The following SDK2 variants were observed in gnomAD, a reference collection of about 807,000 sequenced individuals.
The protein encoded by SDK2 is sidekick cell adhesion molecule 2.
Under a neutral mutation model 253.9 loss-of-function variants are expected in SDK2, and 105 were observed. The observed-to-expected ratio is 0.41, with a 90% CI of 0.35 to 0.49. SDK2 has a LOEUF of 0.49. SDK2 is among the 20% of genes least tolerant of loss of function. The pLI is 0.06. For synonymous variants in SDK2, 1,249 were observed against 1,234.9 expected, an observed-to-expected ratio of 1.01 and a Z score of -0.24; for missense variants, 2,608 against 3,003.0, an observed-to-expected ratio of 0.87 and a Z score of 3.07.
intron 30 of SDK2, among the ~76,000 whole-genome samples, chr17:73,386,983 CAG>C (rs1434441270): frequency 6.6e-6 from 1 of 152,124 alleles, no homozygotes; most frequent in Non-Finnish European, 1.5e-5. Context: ...GTTGTTGAGA[CAG>C]AGTCTCACTC....
chr17:73,490,523 GTT>G (rs1194044828), intron 2 of SDK2, among the ~76,000 whole-genome samples: 9 of 101,636 alleles, frequency 8.9e-5, no homozygotes, highest in African/African-American at 2.6e-4. Context: ...GCCAGGCAGT[GTT>G]TTTTTTTTTT....
intron 1 of SDK2, among the ~76,000 whole-genome samples, chr17:73,562,092 C>T (rs905744892): frequency 3.3e-5 from 5 of 152,144 alleles, no homozygotes; most frequent in African/African-American, 4.8e-5. Flanking sequence ...TGCCACTGCA[C>T]TCCAACCTGG....
chr17:73,466,715 GCC>G lies in SDK2; in HGVS notation c.331+5395_331+5396del, dbSNP rs869108125. Among the ~76,000 whole-genome samples the G allele has an allele frequency of 7.4e-4, 79 of 107,048 alleles. 6 individuals carry two copies. Among genetic ancestry groups the G allele is most frequent in the African/African-American group, 2.7e-3 (57 of 21,422 alleles). The allele number at this position is 107,048 out of a possible 152,430, so 70.2% of individuals were successfully genotyped here. ...GATCATTTTGGAGGCTCTGGGGAAC[GCC>G]CCCCCCCCCCGGCTTAGGCTCTGCA... On this transcript the variant is annotated intron_variant, in intron 3 of 44. Transcript: ENST00000392650.
At chr17:73,555,968 A>T (rs9915572) in intron 1 of SDK2, among the ~76,000 whole-genome samples, 41,119 of 152,058 alleles carry the variant, frequency 0.27, 5,761 homozygotes, top group East Asian at 0.5. Context: ...GCAGGGAGAC[A>T]GGCAGTGGAT....
chr17:73,509,390 C>T (rs1162701345), intron 1 of SDK2, among the ~76,000 whole-genome samples: 5 of 152,144 alleles, frequency 3.3e-5, no homozygotes, highest in African/African-American at 9.7e-5. Context: ...CTCCACCACC[C>T]TCAGTGCTGG....
At chr17:73,607,045 C>T (rs1371467601) in intron 1 of SDK2, among the ~76,000 whole-genome samples, 1 of 152,204 alleles carries the variant, frequency 6.6e-6, no homozygotes, top group Non-Finnish European at 1.5e-5. Flanking sequence ...ACAGTCCCTT[C>T]CTCCCTCATT....
intron 1 of SDK2, among the ~76,000 whole-genome samples, chr17:73,615,940 T>C (rs531846662): frequency 5.6e-4 from 85 of 152,256 alleles, no homozygotes; most frequent in African/African-American, 1.9e-3. Context: ...CAAATACACA[T>C]GCATGTGACA....
intron 22 of SDK2, 119 bp downstream of exon 22, chr17:73,399,049 T>A: frequency 1.0e-6 from 1 of 954,050 alleles, no homozygotes; most frequent in Non-Finnish European, 1.6e-6. Flanking sequence ...TGGAGTATAA[T>A]GGGCCATTGA....
At chr17:73,487,031 T>G (rs1313368666) in intron 2 of SDK2, among the ~76,000 whole-genome samples, 3 of 152,172 alleles carry the variant, frequency 2.0e-5, no homozygotes, top group Non-Finnish European at 4.4e-5. Context: ...CCTCCCAGAT[T>G]TAAGTGATTC....
rs2063658029 is a variant in SDK2, at chr17:73,472,351, T to C, written c.225-133A>G. 6.3e-6 allele frequency: 4 copies of C among 630,280 alleles called. No homozygotes were observed. In the South Asian group the frequency reaches 7.5e-5, roughly 12 times the overall value. The allele number at this position is 630,280 out of a possible 1,614,324, so 39.0% of individuals were successfully genotyped here. Reference sequence around the variant, plus strand: ...AAGAGTACCAGGGAACTCTTGACTCTCTAGCCATGTCATAGGATCACACAA... The same window carrying C: ...AAGAGTACCAGGGAACTCTTGACTCCCTAGCCATGTCATAGGATCACACAA... On this transcript the variant is annotated intron_variant, in intron 2 of 44. Coordinates refer to ENST00000392650, the MANE Select transcript of SDK2 (RefSeq NM_001144952.2).
intron 1 of SDK2, among the ~76,000 whole-genome samples, chr17:73,598,165 C>G (rs530274994): frequency 1.3e-5 from 2 of 152,176 alleles, no homozygotes; most frequent in Non-Finnish European, 2.9e-5. Flanking sequence ...AACAGCCACC[C>G]TCCCACCATT....
At chr17:73,519,866 A>AGGAG (rs1469656779) in intron 1 of SDK2, 1 of 152,194 alleles carries the variant, frequency 6.6e-6, no homozygotes, top group Non-Finnish European at 1.5e-5. Context: ...CTGAGGAAGA[A>AGGAG]CACACATTCA....
intron 8 of SDK2, among the ~76,000 whole-genome samples, chr17:73,436,348 G>T (rs567715466): frequency 2.0e-4 from 31 of 151,924 alleles, no homozygotes; most frequent in Non-Finnish European, 4.1e-4. Context: ...AGGCTGAGGC[G>T]GGTGGATCAC....
Position 73,424,659 on chromosome 17 carries a change from G to A in SDK2, c.1584-567C>T, listed in dbSNP as rs141711313. Among the ~76,000 whole-genome samples the A allele has an allele frequency of 1.3e-3, 202 of 152,320 alleles. 1 individual carries two copies. Among genetic ancestry groups the A allele is most frequent in the African/African-American group, 4.7e-3 (195 of 41,572 alleles). ...TATCTTCTCTGAATTTGTTCTTGAG[G>A]AAATAGAACCATTATCATTGTCATC... On this transcript the variant is annotated intron_variant, in intron 12 of 44. Coordinates refer to ENST00000392650, the MANE Select transcript of SDK2 (RefSeq NM_001144952.2).
intron 38 of SDK2, among the ~76,000 whole-genome samples, chr17:73,363,796 G>C (rs1461035322): frequency 2.0e-5 from 3 of 152,084 alleles, no homozygotes; most frequent in Non-Finnish European, 4.4e-5. Flanking sequence ...CCTGTGAAGA[G>C]GGCTTGTGCT....
chr17:73,570,179 C>T lies in SDK2; in HGVS notation c.65-62582G>A, dbSNP rs1018791964. 7.2e-5 allele frequency among the ~76,000 whole-genome samples: 11 copies of T among 152,078 alleles called. No individual in the cohort carries two copies. The highest frequency in any genetic ancestry group is 2.7e-4 in the African/African-American group (11 of 41,406). ...AGCTTGGTGGACACAGGGCGACCAC[C>T]CCAGGGGCCCAGCCTTGCTACCTCC... On this transcript the variant is annotated intron_variant, in intron 1 of 44. Transcript: ENST00000392650. This position sits in a 1 kb window ranked among gnomAD's most constrained non-coding sequence, Gnocchi z 4.2.
At position 73,568,748 on chromosome 17, in the gene SDK2, T is replaced by C. The variant is rs180842038; in HGVS notation, c.65-61151A>G. Among the ~76,000 whole-genome samples, 336 of 151,658 alleles carry C rather than the reference T, an allele frequency of 2.2e-3. 1 individual carries two copies. Among genetic ancestry groups the C allele is most frequent in the African/African-American group, 7.8e-3 (320 of 41,136 alleles). On this transcript the variant is annotated intron_variant, in intron 1 of 44. Coordinates refer to ENST00000392650, the MANE Select transcript of SDK2 (RefSeq NM_001144952.2). ...AATTTGGAGAAAGACAAATTGAAGA[T>C]TCAAGAGGCTCAATGAACCCCAAGC... is the stretch of plus-strand genomic sequence containing the variant.
intron 24 of SDK2, 35 bp downstream of exon 24, chr17:73,398,000 G>A (rs767168014): frequency 1.2e-6 from 2 of 1,602,800 alleles, no homozygotes; most frequent in Non-Finnish European, 1.7e-6. Context: ...GAAGCTCATG[G>A]AGAGGTCCCA....
intron 18 of SDK2, among the ~76,000 whole-genome samples, chr17:73,412,997 A>G (rs1274603643): frequency 1.3e-5 from 2 of 152,078 alleles, no homozygotes; most frequent in Non-Finnish European, 2.9e-5. Context: ...GCAAAAATAA[A>G]TTTCTGTTGT....
Sources: allele counts gnomAD v4.1 joint callset (sites outside exome capture counted in the v4.1 genomes callset), GRCh38; gene constraint gnomAD v4.1.1; non-coding constraint Gnocchi (gnomAD v3.1); transcripts MANE v1.5; gene names NCBI Gene and HGNC (gene_info 2026-07-23, HGNC 2026-07-21).